Variants in DAB1 observed in about 807,000 individuals in gnomAD.
The protein encoded by DAB1 is disabled homolog 1.
Under a neutral mutation model 64.6 loss-of-function variants are expected in DAB1, and 15 were observed. The observed-to-expected ratio is 0.23, with a 90% CI of 0.16 to 0.36. The LOEUF (loss-of-function observed/expected upper bound fraction) is 0.36, where lower values mean the gene tolerates loss of function less well. Ranked by LOEUF, DAB1 falls within the 10% of genes least tolerant of loss-of-function variation. DAB1 has a pLI of 1.00. For synonymous variants in DAB1, 235 were observed against 251.9 expected (o/e 0.93, Z 0.64); for missense variants, 596 against 706.7 (o/e 0.84, Z 1.78).
At chr1:57,029,139 G>A (rs1333738694) in intron 9 of DAB1, among the ~76,000 whole-genome samples, 2 of 152,180 alleles carry the variant, frequency 1.3e-5, no homozygotes, top group African/African-American at 4.8e-5. Context: ...ACAGTCTAGG[G>A]ACTTGGTGCC....
chr1:57,782,669 A>G (rs949294435), intron 6 of DAB1, among the ~76,000 whole-genome samples: 2 of 152,164 alleles, frequency 1.3e-5, no homozygotes, highest in African/African-American at 4.8e-5. Context: ...AATTAAAAAC[A>G]AAAGGTACTA....
At chr1:57,067,287 C>T (rs1023118219) in intron 8 of DAB1, among the ~76,000 whole-genome samples, 5 of 152,024 alleles carry the variant, frequency 3.3e-5, no homozygotes, top group Non-Finnish European at 5.9e-5. Flanking sequence ...GACTTAGAAT[C>T]GAATTGTGAA....
chr1:57,470,664 G>T (rs1166499320), intron 7 of DAB1, among the ~76,000 whole-genome samples: 1 of 152,106 alleles, frequency 6.6e-6, no homozygotes, highest in Non-Finnish European at 1.5e-5. Context: ...AGCAAAGTCT[G>T]AACACATTTA....
At chr1:58,132,413 C>A (rs886838298) in intron 5 of DAB1, among the ~76,000 whole-genome samples, 2 of 152,186 alleles carry the variant, frequency 1.3e-5, no homozygotes, top group African/African-American at 4.8e-5. Context: ...AGAAATCACC[C>A]GTCTTCTGCG....
intron 4 of DAB1, among the ~76,000 whole-genome samples, chr1:58,189,593 C>A (rs1043416490): frequency 6.6e-6 from 1 of 152,220 alleles, no homozygotes; most frequent in Non-Finnish European, 1.5e-5. Context: ...ACAACCAGCC[C>A]TGCCCACTGG....
At chr1:57,514,042 T>C (rs1644435999) in intron 7 of DAB1, among the ~76,000 whole-genome samples, 1 of 152,278 alleles carries the variant, frequency 6.6e-6, no homozygotes, top group Non-Finnish European at 1.5e-5. Context: ...TTTTTAATGC[T>C]GAATAGTTTT....
intron 6 of DAB1, among the ~76,000 whole-genome samples, chr1:57,698,995 T>C (rs1232855628): frequency 6.6e-6 from 1 of 152,224 alleles, no homozygotes; most frequent in Non-Finnish European, 1.5e-5. Context: ...TAGAGTGCAA[T>C]GGCATGATCA....
intron 2 of DAB1, among the ~76,000 whole-genome samples, chr1:57,193,067 G>A (rs1664284899): frequency 6.6e-6 from 1 of 152,046 alleles, no homozygotes; most frequent in South Asian, 2.1e-4. Flanking sequence ...TTGTGTGTGT[G>A]GCAAGAACAC....
At chr1:57,488,327 G>A (rs773937820) in intron 7 of DAB1, among the ~76,000 whole-genome samples, 7 of 151,418 alleles carry the variant, frequency 4.6e-5, no homozygotes, top group African/African-American at 1.2e-4. Context: ...GCATGAACCC[G>A]GGCGGGGGAG....
intron 4 of DAB1, among the ~76,000 whole-genome samples, chr1:58,275,653 C>CA (rs1661426249): frequency 6.6e-6 from 1 of 151,970 alleles, no homozygotes; most frequent in Admixed American, 6.6e-5. Flanking sequence ...TTATTAAAAA[C>CA]AAAAAATAAA....
intron 3 of DAB1, among the ~76,000 whole-genome samples, chr1:58,423,589 A>G (rs567700752): frequency 1.4e-4 from 21 of 152,326 alleles, no homozygotes; most frequent in African/African-American, 5.1e-4. Context: ...TCCCAGATGG[A>G]TCAGTCAATG....
At chr1:57,415,459 G>A (rs771995169) in intron 1 of DAB1, among the ~76,000 whole-genome samples, 6 of 152,158 alleles carry the variant, frequency 3.9e-5, no homozygotes, top group South Asian at 2.1e-4. Flanking sequence ...ATTCAACTAC[G>A]TTAAAATTAA....
At chr1:58,357,099 A>G (rs1226492331) in intron 3 of DAB1, among the ~76,000 whole-genome samples, 3 of 151,698 alleles carry the variant, frequency 2.0e-5, no homozygotes, top group African/African-American at 7.3e-5. Context: ...CCATGGGAAG[A>G]TTTTAAGCAG....
chr1:58,350,719 T>G (rs1644047251), intron 3 of DAB1, among the ~76,000 whole-genome samples: 1 of 152,214 alleles, frequency 6.6e-6, no homozygotes, highest in Admixed American at 6.5e-5. Context: ...AGGGAATCCT[T>G]TCCCAATTTC....
intron 5 of DAB1, among the ~76,000 whole-genome samples, chr1:57,941,010 T>C (rs2102051572): frequency 6.6e-6 from 1 of 152,314 alleles, no homozygotes; most frequent in Non-Finnish European, 1.5e-5. Context: ...GAGCATCTGA[T>C]TATAGTGAAT....
chr1:58,541,251 G>A lies in DAB1; in HGVS notation n.32+5452C>T, dbSNP rs1314790463. Reference sequence around the variant, plus strand: ...GGAGGTTGCAGTGAGCCGAGATGACGCCACTGCATTCCAGCCTGGGCAACA... The same window carrying A: ...GGAGGTTGCAGTGAGCCGAGATGACACCACTGCATTCCAGCCTGGGCAACA... On this transcript the variant is annotated intron_variant and non_coding_transcript_variant, in intron 1 of 20. Coordinates refer to the DAB1 transcript ENST00000485760. Among the ~76,000 whole-genome samples, 11 of 113,064 alleles carry A rather than the reference G, an allele frequency of 9.7e-5. No individual in the cohort carries two copies. The Admixed American group carries it at 1.4e-3, about 14-fold the overall frequency. The allele number at this position is 113,064 out of a possible 152,430, so 74.2% of individuals were successfully genotyped here.
At chr1:57,664,414 TTATC>T (rs1396905091) in intron 6 of DAB1, among the ~76,000 whole-genome samples, 4 of 152,246 alleles carry the variant, frequency 2.6e-5, no homozygotes, top group Non-Finnish European at 5.9e-5. Context: ...GCATATTTAT[TTATC>T]TTTCTTTTCC....
intron 7 of DAB1, among the ~76,000 whole-genome samples, chr1:57,495,223 C>CTAA (rs1644216041): frequency 6.6e-6 from 1 of 152,138 alleles, no homozygotes; most frequent in African/African-American, 2.4e-5. Flanking sequence ...GCCTAAGAGG[C>CTAA]ATCAGGTATA....
At chr1:57,975,643 T>G (rs1291260423) in intron 5 of DAB1, among the ~76,000 whole-genome samples, 2 of 152,194 alleles carry the variant, frequency 1.3e-5, no homozygotes, top group African/African-American at 4.8e-5. Flanking sequence ...TTATCATGTC[T>G]CAGGTACTAT....
Sources: allele counts gnomAD v4.1 joint callset (sites outside exome capture counted in the v4.1 genomes callset), GRCh38; gene constraint gnomAD v4.1.1; transcripts MANE v1.5; gene names NCBI Gene and HGNC (gene_info 2026-07-23, HGNC 2026-07-21).